Variants in DYRK1A observed in about 807,000 individuals in gnomAD.
The protein encoded by DYRK1A is dual specificity tyrosine-phosphorylation-regulated kinase 1A.
DYRK1A carries 9 observed loss-of-function variants against 79.7 expected under a neutral mutation model. The ratio of observed to expected loss-of-function variants is 0.11; its 90% CI spans 0.07 to 0.20. The LOEUF (loss-of-function observed/expected upper bound fraction) is 0.20, where lower values mean the gene tolerates loss of function less well. DYRK1A is among the 10% of genes least tolerant of loss of function. The pLI is 1.00. For missense variants in DYRK1A, 622 were observed against 956.0 expected (o/e 0.65, Z 4.61); for synonymous variants, 349 against 329.7 (o/e 1.06, Z -0.63).
At chr21:37,494,791 T>C (rs1253306079) in intron 8 of DYRK1A, among the ~76,000 whole-genome samples, 1 of 151,858 alleles carries the variant, frequency 6.6e-6, no homozygotes, top group African/African-American at 2.4e-5. Context: ...CTACTAAAAA[T>C]AGAAAAATTA....
intron 2 of DYRK1A, among the ~76,000 whole-genome samples, chr21:37,448,669 A>G (rs1000017242): frequency 2.6e-5 from 4 of 152,174 alleles, no homozygotes; most frequent in African/African-American, 9.7e-5. Context: ...AGGGAAATAT[A>G]TATAAAACAA....
In DYRK1A at chr21:37,367,045, C is replaced by T. The variant is rs2049321083; in HGVS notation, c.-660C>T. Reference sequence around the variant, plus strand: ...CTGCTGCTGTTGGTGCCGCTGCCGCCGCCGGCGAGCAGGCGGGACCGGTGT... The same window carrying T: ...CTGCTGCTGTTGGTGCCGCTGCCGCTGCCGGCGAGCAGGCGGGACCGGTGT... On this transcript the variant is annotated 5_prime_UTR_variant, in exon 1 of 12. Coordinates refer to ENST00000647188, the MANE Select transcript of DYRK1A (RefSeq NM_001347721.2). 6.2e-6 allele frequency: 1 copy of T among 161,116 alleles called. No homozygotes were observed. Among genetic ancestry groups the T allele is most frequent in the Non-Finnish European group, 1.4e-5 (1 of 73,634 alleles). 10.0% of individuals were successfully genotyped at this position (161,116 alleles called of 1,614,324 possible).
chr21:37,488,346 C>T (rs972916641), intron 6 of DYRK1A: 3 of 943,092 alleles, frequency 3.2e-6, no homozygotes, highest in African/African-American at 3.5e-5. Flanking sequence ...ATACCTTAAA[C>T]TTAAGGTATC....
intron 1 of DYRK1A, among the ~76,000 whole-genome samples, chr21:37,380,164 T>C (rs984623577): frequency 6.6e-6 from 1 of 152,236 alleles, no homozygotes; most frequent in African/African-American, 2.4e-5. Flanking sequence ...TGGATAAAAA[T>C]AGGACTCTAG....
chr21:37,427,498 A>G (rs2050659421), intron 2 of DYRK1A, among the ~76,000 whole-genome samples: 1 of 152,198 alleles, frequency 6.6e-6, no homozygotes. Context: ...ACTGTTTTAA[A>G]TGACTAATCA....
chr21:37,466,768 G>A (rs545276633), intron 2 of DYRK1A, among the ~76,000 whole-genome samples: 97 of 152,116 alleles, frequency 6.4e-4, no homozygotes, highest in African/African-American at 1.9e-3. Flanking sequence ...ATACATTGTT[G>A]TTGGTAACTG....
Position 37,452,207 on chromosome 21 carries a change from A to G in DYRK1A, c.11-20477A>G, listed in dbSNP as rs73408690. ...TAGGGGGAATACACTGAGGGAGGGC[A>G]TGGAGCCTGGATAAGGAGCAGTTAT... On this transcript the variant is annotated intron_variant, in intron 2 of 11. Coordinates refer to ENST00000647188, the MANE Select transcript of DYRK1A (RefSeq NM_001347721.2). Among the ~76,000 whole-genome samples, 747 of 151,832 alleles carry G rather than the reference A, an allele frequency of 4.9e-3. 6 individuals are homozygous for G. Among genetic ancestry groups the G allele is most frequent in the African/African-American group, 0.017 (701 of 41,352 alleles).
intron 2 of DYRK1A, among the ~76,000 whole-genome samples, chr21:37,466,917 CA>C (rs2052045312): frequency 6.6e-6 from 1 of 151,888 alleles, no homozygotes; most frequent in African/African-American, 2.4e-5. Flanking sequence ...GAGGATATCA[CA>C]AAAGCTTATG....
In DYRK1A at chr21:37,512,447, T is replaced by G. The variant is rs1318669151; in HGVS notation, c.2181T>G (p.His727Gln). The G allele has an allele frequency of 6.2e-7, 1 of 1,614,232 alleles. No individual in the cohort carries two copies. Residue 727 changes from histidine to glutamine, a missense_variant, in exon 12 of 12, where the codon CAT becomes CAG. Transcript: ENST00000647188. ...CTGCACATTACATGACTGAAGGACATCTGACAATGAGGCAAGGGGCTGATA... is the reference window on the plus strand; with the variant it reads ...CTGCACATTACATGACTGAAGGACAGCTGACAATGAGGCAAGGGGCTGATA... Reference protein sequence around the residue: ...TGPAHYMTEGHLTMRQGADRE... With the variant: ...TGPAHYMTEGQLTMRQGADRE...
chr21:37,470,872 G>C (rs1264611595), intron 2 of DYRK1A, among the ~76,000 whole-genome samples: 2 of 152,158 alleles, frequency 1.3e-5, no homozygotes, highest in East Asian at 3.8e-4. Context: ...TTGAATGAAA[G>C]TATTTTTGAC....
chr21:37,368,311 G>C (rs933805868), intron 1 of DYRK1A, among the ~76,000 whole-genome samples: 3 of 152,198 alleles, frequency 2.0e-5, no homozygotes, highest in African/African-American at 7.2e-5. Context: ...AGATACCTGT[G>C]TATCGCCACA....
At chr21:37,510,422 G>C (rs747206504) in intron 11 of DYRK1A, among the ~76,000 whole-genome samples, 1 of 152,186 alleles carries the variant, frequency 6.6e-6, no homozygotes, top group Non-Finnish European at 1.5e-5. Context: ...ACTGGATAGA[G>C]ACTGAGCCTT....
chr21:37,448,239 T>C (rs1052465715), intron 2 of DYRK1A, among the ~76,000 whole-genome samples: 4 of 152,210 alleles, frequency 2.6e-5, no homozygotes, highest in African/African-American at 9.7e-5. Flanking sequence ...GTTGACATTG[T>C]TTTTCTAAAT....
intron 1 of DYRK1A, among the ~76,000 whole-genome samples, chr21:37,380,694 A>G (rs1460748675): frequency 6.6e-6 from 1 of 152,152 alleles, no homozygotes; most frequent in Non-Finnish European, 1.5e-5. Context: ...AGAGGGATTT[A>G]AGCAAATAGA....
At position 37,513,655 on chromosome 21, in the gene DYRK1A, C is replaced by CT. The variant is rs1162048376; in HGVS notation, c.*1129dup. On this transcript the variant is annotated 3_prime_UTR_variant, in exon 12 of 12. Transcript: ENST00000647188. Reference sequence around the variant, plus strand: ...TTCCTGCTTTTTACTTTTTCTTTTGCTTTTTCTCGGCACGTGGTATCTCCA... The same window carrying CT: ...TTCCTGCTTTTTACTTTTTCTTTTGCTTTTTTCTCGGCACGTGGTATCTCCA... 1 of 152,574 alleles carries CT rather than the reference C, an allele frequency of 6.6e-6. No individual in the cohort carries two copies. Among genetic ancestry groups the CT allele is most frequent in the Non-Finnish European group, 1.5e-5 (1 of 68,018 alleles). 9.5% of individuals were successfully genotyped at this position (152,574 alleles called of 1,614,324 possible). A position where few individuals can be genotyped will look rare whatever the true frequency, so the allele number is the denominator to read the frequency against.
intron 1 of DYRK1A, among the ~76,000 whole-genome samples, chr21:37,407,443 C>T (rs1378216045): frequency 6.6e-6 from 1 of 152,256 alleles, no homozygotes; most frequent in East Asian, 1.9e-4. Flanking sequence ...GATGCTCAAC[C>T]TGCACTTCTG....
intron 1 of DYRK1A, among the ~76,000 whole-genome samples, chr21:37,377,643 A>AT (rs1204453996): frequency 6.6e-6 from 1 of 152,018 alleles, no homozygotes; most frequent in African/African-American, 2.4e-5. Context: ...TAATTTTTAA[A>AT]TTTTTTGTTG....
chr21:37,384,604 A>G (rs994949358), intron 1 of DYRK1A, among the ~76,000 whole-genome samples: 3 of 152,214 alleles, frequency 2.0e-5, no homozygotes, highest in Admixed American at 1.3e-4. Context: ...AATATTAATC[A>G]TGTAAAATGT....
chr21:37,387,854 T>A (rs772662789), intron 1 of DYRK1A, among the ~76,000 whole-genome samples: 1 of 152,224 alleles, frequency 6.6e-6, no homozygotes, highest in South Asian at 2.1e-4. Flanking sequence ...GAGAATTCTG[T>A]ATATGTGGCT....
Sources: allele counts gnomAD v4.1 joint callset (sites outside exome capture counted in the v4.1 genomes callset), GRCh38; gene constraint gnomAD v4.1.1; transcripts MANE v1.5; gene names NCBI Gene and HGNC (gene_info 2026-07-23, HGNC 2026-07-21).